Variants in PCDHGB6 observed in about 807,000 individuals in gnomAD.
PCDHGB6 encodes protocadherin gamma-B6.
In PCDHGB6, 51 loss-of-function variants were observed where a neutral mutation model predicts 59.1. The observed-to-expected ratio is 0.86, with a 90% CI of 0.69 to 1.09. PCDHGB6 has a LOEUF of 1.09. Ranked by LOEUF, PCDHGB6 falls within the 50% of genes least tolerant of loss-of-function variation. PCDHGB6 has a pLI of 0.00. For missense variants in PCDHGB6, 1,148 were observed against 1,205.1 expected, an observed-to-expected ratio of 0.95 and a Z score of 0.70; for synonymous variants, 466 against 495.1, an observed-to-expected ratio of 0.94 and a Z score of 0.78.
In PCDHGB6 at chr5:141,410,419, T is replaced by TC. The variant is rs769125626; in HGVS notation, c.2223dup (p.Asn742GlnfsTer4). ...TCTGTGTCAAGTCTGGACCTGTAGTTCCCCCCAACTACAGTGAGGGGACTT... is the reference window on the plus strand; with the variant it reads ...TCTGTGTCAAGTCTGGACCTGTAGTTCCCCCCCAACTACAGTGAGGGGACTT... On this transcript the variant is annotated frameshift_variant, in exon 1 of 4. Transcript: ENST00000520790. LOFTEE classifies it high-confidence loss of function. 49 of 1,613,886 alleles carry TC rather than the reference T, an allele frequency of 3.0e-5. No individual in the cohort carries two copies. The highest frequency in any genetic ancestry group is 3.6e-5 in the Non-Finnish European group (42 of 1,179,904).
intron 2 of PCDHGB6, among the ~76,000 whole-genome samples, chr5:141,502,152 C>T (rs1306227782): frequency 2.0e-5 from 3 of 152,128 alleles, no homozygotes; most frequent in African/African-American, 4.8e-5. Flanking sequence ...AAGTAAGGAC[C>T]CCAGATATTC....
intron 1 of PCDHGB6, among the ~76,000 whole-genome samples, chr5:141,438,655 T>G (rs1436221152): frequency 7.1e-6 from 1 of 140,042 alleles, no homozygotes; most frequent in East Asian, 2.1e-4. Flanking sequence ...CACACACATA[T>G]ATGTATATAT....
At chr5:141,475,218 A>G (rs2154572291) in intron 1 of PCDHGB6, among the ~76,000 whole-genome samples, 1 of 152,326 alleles carries the variant, frequency 6.6e-6, no homozygotes, top group African/African-American at 2.4e-5. Flanking sequence ...GGATTGATCA[A>G]GTAAAGGGAA....
At position 141,408,331 on chromosome 5, in the gene PCDHGB6, G is replaced by C. The variant is rs779178317; in HGVS notation, c.129G>C (p.Lys43Asn). The change falls in exon 1 of 4, where the codon AAG becomes AAC. Residue 43 changes from lysine (K) to asparagine (N), a missense_variant. Transcript: ENST00000520790. Reference sequence around the variant, plus strand: ...ACTCGATTCCGGAGGAGCTGGCCAAGGGCTCGGTGGTGGGGAACCTCGCTA... The same window carrying C: ...ACTCGATTCCGGAGGAGCTGGCCAACGGCTCGGTGGTGGGGAACCTCGCTA... ...IRYSIPEELA[K>N]GSVVGNLAKD... 3.1e-6 allele frequency: 5 copies of C among 1,613,932 alleles called. No individual in the cohort carries two copies. In the South Asian group the frequency reaches 5.5e-5, roughly 18 times the overall value.
chr5:141,428,169 G>A (rs758370904), intron 1 of PCDHGB6: 1 of 1,540,076 alleles, frequency 6.5e-7, no homozygotes, highest in Non-Finnish European at 8.9e-7. Flanking sequence ...GTTGCTGTGC[G>A]TGACGGAGGA....
In PCDHGB6 at chr5:141,512,494, C is replaced by T. The variant is rs2099884262; in HGVS notation, c.*1321C>T. The T allele has an allele frequency of 6.5e-6, 1 of 152,894 alleles. No individual in the cohort carries two copies. Among genetic ancestry groups the T allele is most frequent in the Admixed American group, 6.5e-5 (1 of 15,282 alleles). The allele number at this position is 152,894 out of a possible 1,614,324, so 9.5% of individuals were successfully genotyped here. Reference sequence around the variant, plus strand: ...CTTCCGTGAAGGCCACTGCCCAGGTCCCCAGTGCGCCCCCTAGTGGCCATA... The same window carrying T: ...CTTCCGTGAAGGCCACTGCCCAGGTTCCCAGTGCGCCCCCTAGTGGCCATA... On this transcript the variant is annotated 3_prime_UTR_variant, in exon 4 of 4. Transcript: ENST00000520790.
chr5:141,453,111 G>A (rs1040339344), intron 1 of PCDHGB6, among the ~76,000 whole-genome samples: 5 of 151,718 alleles, frequency 3.3e-5, no homozygotes, highest in Non-Finnish European at 5.9e-5. Flanking sequence ...TTTTTGTTTT[G>A]TTTTGTTTTG....
Position 141,477,203 on chromosome 5 carries a change from G to A in PCDHGB6, c.2419-17604G>A. The A allele has an allele frequency of 6.2e-7, 1 of 1,614,176 alleles. No individual in the cohort carries two copies. The highest frequency in any genetic ancestry group is 8.5e-7 in the Non-Finnish European group (1 of 1,180,050). ...CACCTCCGTGTACAGCCCAGTACCC[G>A]AGGATGCCCCTCTGGGGACTGTCAT... On this transcript the variant is annotated intron_variant, in intron 1 of 3. Coordinates refer to ENST00000520790, the MANE Select transcript of PCDHGB6 (RefSeq NM_018926.3). This position sits in a 1 kb window ranked among gnomAD's most constrained non-coding sequence, Gnocchi z 4.9.
Position 141,511,065 on chromosome 5 carries a change from C to T in PCDHGB6, c.2685C>T (p.Ile895=). Residue 895 remains isoleucine, a synonymous_variant, in exon 4 of 4, where the codon ATC becomes ATT. Transcript: ENST00000520790. ...HVPDYRQNVY[I]PGSNATLTNA... ...CCGACTACCGCCAGAATGTCTACATCCCAGGCAGCAATGCCACACTGACCA... is the reference window on the plus strand; with the variant it reads ...CCGACTACCGCCAGAATGTCTACATTCCAGGCAGCAATGCCACACTGACCA... The T allele has an allele frequency of 6.2e-7, 1 of 1,614,222 alleles. No individual in the cohort carries two copies. Among genetic ancestry groups the T allele is most frequent in the Middle Eastern group, 1.6e-4 (1 of 6,062 alleles).
rs1337141924 is a variant in PCDHGB6, at chr5:141,512,916, CTAATATT to C, written c.*1746_*1752del. On this transcript the variant is annotated 3_prime_UTR_variant, in exon 4 of 4. Coordinates refer to ENST00000520790, the MANE Select transcript of PCDHGB6 (RefSeq NM_018926.3). The stretch of plus-strand genomic sequence containing the variant: ...CTGTGTCTCACGCAAGTTTTATACT[CTAATATT>C]TATATGGCTTTTTTTCTTCGACAAA... The C allele has an allele frequency of 1.3e-5, 2 of 152,206 alleles. No homozygotes were observed. Among genetic ancestry groups the C allele is most frequent in the Non-Finnish European group, 2.9e-5 (2 of 68,046 alleles). The allele number at this position is 152,206 out of a possible 1,614,324, so 9.4% of individuals were successfully genotyped here.
At chr5:141,426,451 C>A in intron 1 of PCDHGB6, 1 of 308,946 alleles carries the variant, frequency 3.2e-6, no homozygotes, top group South Asian at 3.0e-5. Flanking sequence ...GGACATGCGG[C>A]TGCATGTTCA....
rs779949480 is a variant in PCDHGB6, at chr5:141,489,768, C to G, written c.2419-5039C>G. The G allele has an allele frequency of 6.2e-7, 1 of 1,614,134 alleles. No individual in the cohort carries two copies. The highest frequency in any genetic ancestry group is 1.1e-5 in the South Asian group (1 of 91,072). On this transcript the variant is annotated intron_variant, in intron 1 of 3. Coordinates refer to ENST00000520790, the MANE Select transcript of PCDHGB6 (RefSeq NM_018926.3). The surrounding 1 kb of genome is among the most constrained non-coding windows in gnomAD (Gnocchi z 4.5). ...GCTTTTACACTCTAAGCCCCAACAG[C>G]CACTTCTCTCTGAATGTGAAGACCC...
At position 141,489,244 on chromosome 5, in the gene PCDHGB6, G is replaced by A. The variant is rs145484133; in HGVS notation, c.2419-5563G>A. ...TCCACAAAGGGACTTCTGGGTCATG[G>A]GGCCCAAGACACTCCCACAGCTCGC... On this transcript the variant is annotated intron_variant, in intron 1 of 3. Coordinates refer to ENST00000520790, the MANE Select transcript of PCDHGB6 (RefSeq NM_018926.3). This position sits in a 1 kb window ranked among gnomAD's most constrained non-coding sequence, Gnocchi z 4.5. 5 of 1,534,936 alleles carry A rather than the reference G, an allele frequency of 3.3e-6. No individual in the cohort carries two copies. In the African/African-American group the frequency reaches 5.5e-5, roughly 17 times the overall value.
intron 1 of PCDHGB6, chr5:141,442,507 G>C (rs1394231840): frequency 1.3e-5 from 2 of 152,208 alleles, no homozygotes; most frequent in Non-Finnish European, 1.5e-5. Flanking sequence ...TATTCTAATT[G>C]CTTGGGCAGA....
In PCDHGB6 at chr5:141,408,624, A is replaced by G; in HGVS notation, c.422A>G (p.Glu141Gly). ...PQFDKKEIHL[E>G]IFESASAGTR... Reference sequence around the variant, plus strand: ...TTTGATAAAAAGGAAATACATTTAGAAATTTTCGAATCTGCATCCGCTGGT... The same window carrying G: ...TTTGATAAAAAGGAAATACATTTAGGAATTTTCGAATCTGCATCCGCTGGT... The change falls in exon 1 of 4, where the codon GAA (glutamate) becomes GGA (glycine). Residue 141 changes from glutamate (E) to glycine (G), a missense_variant. Transcript: ENST00000520790. The G allele has an allele frequency of 6.2e-7, 1 of 1,614,016 alleles. No individual in the cohort carries two copies. Among genetic ancestry groups the G allele is most frequent in the Non-Finnish European group, 8.5e-7 (1 of 1,179,886 alleles).
At chr5:141,455,160 G>T (rs6875366) in intron 1 of PCDHGB6, among the ~76,000 whole-genome samples, 16,301 of 149,190 alleles carry the variant, frequency 0.11, 1,328 homozygotes, top group African/African-American at 0.23. Context: ...TAGTTTGTTG[G>T]TTTTTTTTTT....
Position 141,408,773 on chromosome 5 carries a change from T to C in PCDHGB6, c.571T>C (p.Tyr191His). The change falls in exon 1 of 4, where the codon TAC becomes CAC. Residue 191 changes from tyrosine (Y) to histidine (H), a missense_variant. Coordinates refer to ENST00000520790, the MANE Select transcript of PCDHGB6 (RefSeq NM_018926.3). ...MVRVNSDGGK[Y>H]PELSLEKLLD... ...TAGAGTTAATTCCGATGGTGGCAAA[T>C]ACCCAGAGTTATCTCTGGAGAAACT... 6.2e-7 allele frequency: 1 copy of C among 1,611,652 alleles called. No individual in the cohort carries two copies. Among genetic ancestry groups the C allele is most frequent in the Non-Finnish European group, 8.5e-7 (1 of 1,178,796 alleles).
In PCDHGB6 at chr5:141,431,357, C is replaced by G. The variant is rs762220618; in HGVS notation, c.2418+20737C>G. 1.9e-5 allele frequency: 31 copies of G among 1,613,926 alleles called. No homozygotes were observed. Among genetic ancestry groups the G allele is most frequent in the Non-Finnish European group, 2.2e-5 (26 of 1,180,046 alleles). On this transcript the variant is annotated intron_variant, in intron 1 of 3. Coordinates refer to ENST00000520790, the MANE Select transcript of PCDHGB6 (RefSeq NM_018926.3). The surrounding 1 kb of genome is among the most constrained non-coding windows in gnomAD (Gnocchi z 4.8). ...CCCCGAATTGGTGCTGAAACGCGCC[C>G]TGGACCGCGAAGAAAAGGCTGCTCA...
At position 141,487,344 on chromosome 5, in the gene PCDHGB6, C is replaced by T. The variant is rs1232854025; in HGVS notation, c.2419-7463C>T. On this transcript the variant is annotated intron_variant, in intron 1 of 3. Coordinates refer to ENST00000520790, the MANE Select transcript of PCDHGB6 (RefSeq NM_018926.3). This position sits in a 1 kb window ranked among gnomAD's most constrained non-coding sequence, Gnocchi z 5.0. ...CTTCGTGGGGCAGCCTGTGGAGTCA[C>T]ATGCTTTCCTGCTGGCACCTGTGCC... 3 of 1,614,208 alleles carry T rather than the reference C, an allele frequency of 1.9e-6. No individual in the cohort carries two copies. The highest frequency in any genetic ancestry group is 3.3e-5 in the Admixed American group (2 of 60,024).
Sources: allele counts gnomAD v4.1 joint callset (sites outside exome capture counted in the v4.1 genomes callset), GRCh38; gene constraint gnomAD v4.1.1; non-coding constraint Gnocchi (gnomAD v3.1); transcripts MANE v1.5; gene names NCBI Gene and HGNC (gene_info 2026-07-23, HGNC 2026-07-21).